Variants in CNIH3 observed in about 807,000 individuals in gnomAD.
CNIH3 encodes the protein protein cornichon homolog 3.
A neutral mutation model predicts 24.1 loss-of-function variants in CNIH3; 14 were observed. The ratio of observed to expected loss-of-function variants is 0.58; its 90% CI spans 0.38 to 0.91. The LOEUF is 0.91. Among genes scored for constraint, CNIH3 ranks in the 40% least tolerant of loss-of-function variants. The probability of loss-of-function intolerance (pLI) is 0.00; values close to 1 mark genes in which losing one functional copy is unlikely to be tolerated. For missense variants in CNIH3, 178 were observed against 196.8 expected, an observed-to-expected ratio of 0.90 and a Z score of 0.57; for synonymous variants, 68 against 73.8, an observed-to-expected ratio of 0.92 and a Z score of 0.40.
At chr1:224,723,877 T>C (rs1460058243) in intron 3 of CNIH3, among the ~76,000 whole-genome samples, 1 of 152,186 alleles carries the variant, frequency 6.6e-6, no homozygotes, top group African/African-American at 2.4e-5. Context: ...GTTCCTGGTG[T>C]ACATAAAATC....
intron 1 of CNIH3, among the ~76,000 whole-genome samples, chr1:224,676,539 T>A (rs1686148472): frequency 6.6e-6 from 1 of 152,220 alleles, no homozygotes; most frequent in East Asian, 1.9e-4. Context: ...AATGATCTTA[T>A]CGTTGGTTTA....
At chr1:224,723,408 G>A (rs1397844532) in intron 3 of CNIH3, among the ~76,000 whole-genome samples, 1 of 152,236 alleles carries the variant, frequency 6.6e-6, no homozygotes, top group Non-Finnish European at 1.5e-5. Context: ...TGGGTGCCAA[G>A]AAGCAACAGG....
chr1:224,545,610 G>A (rs1365242562), intron 2 of CNIH3, among the ~76,000 whole-genome samples: 2 of 152,168 alleles, frequency 1.3e-5, no homozygotes, highest in Non-Finnish European at 2.9e-5. Context: ...TATAAAGGCA[G>A]TGGCTGTAAG....
chr1:224,704,733 G>C lies in CNIH3; in HGVS notation c.198+19890G>C, dbSNP rs1687687941. ...AACATGGCTATAATATTGTCACCTAGTCATAGTCACATTTCCCCTAGTTTC... is the reference window on the plus strand; with the variant it reads ...AACATGGCTATAATATTGTCACCTACTCATAGTCACATTTCCCCTAGTTTC... On this transcript the variant is annotated intron_variant, in intron 3 of 5. Transcript: ENST00000272133. The surrounding 1 kb of genome is among the most constrained non-coding windows in gnomAD (Gnocchi z 4.2). Among the ~76,000 whole-genome samples, 1 of 152,074 alleles carries C rather than the reference G, an allele frequency of 6.6e-6. No individual in the cohort carries two copies. Among genetic ancestry groups the C allele is most frequent in the Non-Finnish European group, 1.5e-5 (1 of 68,022 alleles).
At chr1:224,650,162 A>G (rs1025232204) in intron 1 of CNIH3, among the ~76,000 whole-genome samples, 3 of 152,164 alleles carry the variant, frequency 2.0e-5, no homozygotes, top group Non-Finnish European at 2.9e-5. Context: ...TTAACTAGTG[A>G]CCACACTCTT....
downstream of CNIH3, chr1:224,537,133 C>T (rs1025746265): frequency 1.3e-5 from 2 of 152,168 alleles, no homozygotes; most frequent in African/African-American, 4.8e-5. Flanking sequence ...AAAAAAACTA[C>T]ATATCTCCAT....
downstream of CNIH3, among the ~76,000 whole-genome samples, chr1:224,540,537 T>C (rs1445881638): frequency 6.6e-6 from 1 of 152,168 alleles, no homozygotes; most frequent in Non-Finnish European, 1.5e-5. Context: ...GAGATCGTGG[T>C]TCTAAACCAA....
At chr1:224,581,837 C>G (rs17571814) in intron 4 of CNIH3, among the ~76,000 whole-genome samples, 1 of 152,144 alleles carries the variant, frequency 6.6e-6, no homozygotes, top group Non-Finnish European at 1.5e-5. Flanking sequence ...TAAACCTAGA[C>G]TTTGAGAGAC....
intron 1 of CNIH3, among the ~76,000 whole-genome samples, chr1:224,444,582 G>A (rs377671511): frequency 2.0e-5 from 3 of 151,160 alleles, no homozygotes; most frequent in East Asian, 2.0e-4. Flanking sequence ...ACTCCTGACC[G>A]TGTGATCCAC....
At chr1:224,641,602 G>A (rs1684363914) in intron 1 of CNIH3, among the ~76,000 whole-genome samples, 1 of 152,232 alleles carries the variant, frequency 6.6e-6, no homozygotes, top group South Asian at 2.1e-4. Flanking sequence ...GTGTCTGAGT[G>A]GACGACGTTG....
At chr1:224,685,075 G>A (rs961841498) in intron 3 of CNIH3, among the ~76,000 whole-genome samples, 11 of 152,210 alleles carry the variant, frequency 7.2e-5, no homozygotes, top group African/African-American at 2.4e-4. Context: ...ACAGCACTGG[G>A]TATTTGCAAG....
intron 1 of CNIH3, among the ~76,000 whole-genome samples, chr1:224,473,986 AG>A (rs1440902231): frequency 2.0e-5 from 3 of 152,332 alleles, no homozygotes; most frequent in Admixed American, 2.0e-4. Flanking sequence ...AACCAATAAC[AG>A]GAGGAATTCT....
At position 224,666,870 on chromosome 1, in the gene CNIH3, A is replaced by G. The variant is rs77837536; in HGVS notation, c.82-14088A>G. Among the ~76,000 whole-genome samples, 8 of 152,324 alleles carry G rather than the reference A, an allele frequency of 5.3e-5. No homozygotes were observed. The East Asian group carries it at 1.2e-3, about 22-fold the overall frequency. The stretch of plus-strand genomic sequence containing the variant: ...CTCTTGGGCTACCCCAAATGTTTGC[A>G]TGGTTGTCATGTCACGTGCATGCGG... On this transcript the variant is annotated intron_variant, in intron 1 of 5. Coordinates refer to ENST00000272133, the MANE Select transcript of CNIH3 (RefSeq NM_152495.2).
At chr1:224,555,717 A>G (rs1680107508) in intron 3 of CNIH3, among the ~76,000 whole-genome samples, 1 of 152,256 alleles carries the variant, frequency 6.6e-6, no homozygotes, top group Non-Finnish European at 1.5e-5. Flanking sequence ...TAGAGATTTC[A>G]TTAAAAGTTA....
chr1:224,444,802 G>A (rs1477547585), intron 1 of CNIH3, among the ~76,000 whole-genome samples: 5 of 151,826 alleles, frequency 3.3e-5, no homozygotes, highest in South Asian at 4.2e-4. Context: ...GCGCCACCAC[G>A]CCCGGCTAAT....
chr1:224,624,925 G>A (rs1022067162), intron 1 of CNIH3, among the ~76,000 whole-genome samples: 2 of 152,050 alleles, frequency 1.3e-5, no homozygotes, highest in Admixed American at 6.6e-5. Context: ...TTCTTCACCC[G>A]ACTGGCTCTG....
At chr1:224,596,401 AT>A (rs1384708811) in intron 3 of CNIH3, among the ~76,000 whole-genome samples, 6 of 152,244 alleles carry the variant, frequency 3.9e-5, no homozygotes, top group African/African-American at 1.4e-4. Flanking sequence ...AGGAAAAAAG[AT>A]TCCTTTCAAA....
intron 3 of CNIH3, among the ~76,000 whole-genome samples, chr1:224,728,750 C>T (rs1277777780): frequency 1.3e-5 from 2 of 152,174 alleles, no homozygotes; most frequent in African/African-American, 4.8e-5. Flanking sequence ...GTTCTCCACC[C>T]AAAGAAATCT....
At chr1:224,494,217 G>A (rs1281292088) in intron 1 of CNIH3, among the ~76,000 whole-genome samples, 1 of 152,198 alleles carries the variant, frequency 6.6e-6, no homozygotes, top group African/African-American at 2.4e-5. Flanking sequence ...AAGGAACCTT[G>A]AAACATTAGA....
Sources: allele counts gnomAD v4.1 joint callset (sites outside exome capture counted in the v4.1 genomes callset), GRCh38; gene constraint gnomAD v4.1.1; non-coding constraint Gnocchi (gnomAD v3.1); transcripts MANE v1.5; gene names NCBI Gene and HGNC (gene_info 2026-07-23, HGNC 2026-07-21).